PLEKHA8: variants seen among roughly 807,000 people sequenced by gnomAD.
PLEKHA8 encodes pleckstrin homology domain containing A8.
A neutral mutation model predicts 68.2 loss-of-function variants in PLEKHA8; 36 were observed. The observed-to-expected ratio is 0.53, with a 90% CI of 0.40 to 0.70. The LOEUF (loss-of-function observed/expected upper bound fraction) is 0.70. Ranked by LOEUF, PLEKHA8 falls within the 30% of genes least tolerant of loss-of-function variation. The pLI is 0.00. For missense variants in PLEKHA8, 505 were observed against 615.4 expected (o/e 0.82, Z 1.90); for synonymous variants, 211 against 216.1 (o/e 0.98, Z 0.20).
chr7:30,116,094 G>A (rs543119127), intron 13 of PLEKHA8: 4 of 148,246 alleles, frequency 2.7e-5, no homozygotes, highest in East Asian at 4.0e-4. Context: ...GCATACATAC[G>A]TATACATACG....
Position 30,083,457 on chromosome 7 carries a change from C to G in PLEKHA8, c.*4670C>G. On this transcript the variant is annotated 3_prime_UTR_variant, in exon 14 of 14. Coordinates refer to ENST00000449726, the MANE Select transcript of PLEKHA8 (RefSeq NM_001197026.2). ...ACCTTCCCTGTAAATGTTCCCAATT[C>G]CCATCCTGTCTCAGACAGTCAATAG... 1 of 985,286 alleles carries G rather than the reference C, an allele frequency of 1.0e-6. No homozygotes were observed. The highest frequency in any genetic ancestry group is 1.2e-6 in the Non-Finnish European group (1 of 829,840). The allele number at this position is 985,286 out of a possible 1,614,324, so 61.0% of individuals were successfully genotyped here. A position where few individuals can be genotyped will look rare whatever the true frequency, so the allele number is the denominator to read the frequency against.
chr7:30,127,065 A>C (rs1335730345), intron 13 of PLEKHA8, among the ~76,000 whole-genome samples: 1 of 152,228 alleles, frequency 6.6e-6, no homozygotes, highest in Non-Finnish European at 1.5e-5. Flanking sequence ...TTTATGTAAA[A>C]GCTCAATAAG....
intron 13 of PLEKHA8, among the ~76,000 whole-genome samples, chr7:30,106,954 C>T (rs1796083161): frequency 1.3e-5 from 2 of 152,278 alleles, no homozygotes; most frequent in Middle Eastern, 3.4e-3. Flanking sequence ...AACTAATCCC[C>T]CACAGATACC....
In PLEKHA8 at chr7:30,128,108, T is replaced by C. The variant is rs1186739710; in HGVS notation, c.1363-1158T>C. 3.3e-5 allele frequency among the ~76,000 whole-genome samples: 5 copies of C among 151,134 alleles called. No homozygotes were observed. The East Asian group carries it at 9.7e-4, about 29-fold the overall frequency. ...TTTACTGTATTTTTTTTTTTTTTTT[T>C]TTTACTTATTTATTTTGAGACAAGG... On this transcript the variant is annotated intron_variant, in intron 13 of 13. Transcript: ENST00000396257.
At chr7:30,054,653 T>G (rs1453244265) in intron 7 of PLEKHA8, 56 bp from the exon 8 acceptor site, 9 of 1,123,308 alleles carry the variant, frequency 8.0e-6, no homozygotes, top group African/African-American at 1.6e-5. Flanking sequence ...ACAATCAATA[T>G]GTATTTTTAT....
intron 1 of PLEKHA8, among the ~76,000 whole-genome samples, chr7:30,043,561 A>G (rs1007177796): frequency 2.0e-4 from 30 of 152,232 alleles, no homozygotes; most frequent in African/African-American, 6.5e-4. Flanking sequence ...ATTTAGTTTT[A>G]TTTAAAGAAG....
chr7:30,102,859 T>G (rs769516086), intron 13 of PLEKHA8, among the ~76,000 whole-genome samples: 5 of 152,214 alleles, frequency 3.3e-5, no homozygotes, highest in Non-Finnish European at 7.3e-5. Context: ...TCCAGACCAG[T>G]CAGGGCAAAC....
Position 30,028,419 on chromosome 7 carries a change from C to A in PLEKHA8, c.-344C>A, listed in dbSNP as rs993477455. Reference sequence around the variant, plus strand: ...CGAGTCGAGGGTTCAGGTGGTGCGCCGTGGCGCCGCCTGCGACCGGCAGCT... The same window carrying A: ...CGAGTCGAGGGTTCAGGTGGTGCGCAGTGGCGCCGCCTGCGACCGGCAGCT... On this transcript the variant is annotated 5_prime_UTR_variant, in exon 1 of 14. Coordinates refer to ENST00000449726, the MANE Select transcript of PLEKHA8 (RefSeq NM_001197026.2). 4.1e-6 allele frequency: 1 copy of A among 242,776 alleles called. No individual in the cohort carries two copies. Among genetic ancestry groups the A allele is most frequent in the Non-Finnish European group, 7.9e-6 (1 of 126,500 alleles). 15.0% of individuals were successfully genotyped at this position (242,776 alleles called of 1,614,324 possible).
intron 13 of PLEKHA8, among the ~76,000 whole-genome samples, chr7:30,126,748 AG>A (rs1796777434): frequency 6.6e-6 from 1 of 152,260 alleles, no homozygotes; most frequent in South Asian, 2.1e-4. Flanking sequence ...ACATGGCAGC[AG>A]GCTAGAGAGA....
At chr7:30,053,220 C>G (rs1792564205) in intron 7 of PLEKHA8, among the ~76,000 whole-genome samples, 1 of 152,138 alleles carries the variant, frequency 6.6e-6, no homozygotes, top group South Asian at 2.1e-4. Flanking sequence ...GTTTTTCATC[C>G]TCCCGGTTTC....
At chr7:30,078,362 T>A (rs1004043189) in intron 13 of PLEKHA8, among the ~76,000 whole-genome samples, 2 of 152,182 alleles carry the variant, frequency 1.3e-5, no homozygotes, top group Non-Finnish European at 1.5e-5. Flanking sequence ...ATCCTTAAGG[T>A]GGCCCAAGTA....
chr7:30,112,897 C>A (rs1433735989), intron 13 of PLEKHA8, among the ~76,000 whole-genome samples: 1 of 146,728 alleles, frequency 6.8e-6, no homozygotes, highest in Non-Finnish European at 1.5e-5. Flanking sequence ...GAAACTCTGT[C>A]TCTTTAAAAA....
At chr7:30,029,855 G>T (rs1490103306) in intron 1 of PLEKHA8, among the ~76,000 whole-genome samples, 1 of 152,168 alleles carries the variant, frequency 6.6e-6, no homozygotes, top group Non-Finnish European at 1.5e-5. Flanking sequence ...TAGTAACTTC[G>T]AGGAGGTCAC....
At chr7:30,078,452 G>A (rs1794747494) in intron 13 of PLEKHA8, 138 bp from the exon 14 acceptor site, 1 of 859,346 alleles carries the variant, frequency 1.2e-6, no homozygotes, top group Non-Finnish European at 1.8e-6. Flanking sequence ...AATTAGAAGG[G>A]TAGTCATATT....
intron 1 of PLEKHA8, among the ~76,000 whole-genome samples, chr7:30,037,780 C>G (rs1346644507): frequency 6.7e-6 from 1 of 150,226 alleles, no homozygotes; most frequent in Admixed American, 6.6e-5. Flanking sequence ...AACAGTAGTT[C>G]TTATGGATTT....
In PLEKHA8 at chr7:30,101,543, C is replaced by A. The variant is rs563968205; in HGVS notation, c.1362+27411C>A. Among the ~76,000 whole-genome samples, 52 of 152,236 alleles carry A rather than the reference C, an allele frequency of 3.4e-4. No individual in the cohort carries two copies. The South Asian group carries it at 1.0e-2, about 29-fold the overall frequency. ...TCAGGGGCCTCTTTTATAAGCACAG[C>A]AGTCCCATTCATGAGAGTCCTGCCT... On this transcript the variant is annotated intron_variant, in intron 13 of 13. Transcript: ENST00000396257.
intron 9 of PLEKHA8, among the ~76,000 whole-genome samples, chr7:30,058,072 T>A (rs891444478): frequency 2.6e-5 from 4 of 152,200 alleles, no homozygotes; most frequent in Admixed American, 6.5e-5. Context: ...CACTTTTTTT[T>A]TATAATTATT....
In PLEKHA8 at chr7:30,078,605, G is replaced by A. The variant is rs756934969; in HGVS notation, c.1378G>A (p.Ala460Thr). 2 of 1,613,762 alleles carry A rather than the reference G, an allele frequency of 1.2e-6. No homozygotes were observed. Among genetic ancestry groups the A allele is most frequent in the Non-Finnish European group, 1.7e-6 (2 of 1,179,802 alleles). ...RGVFALALRA[A>T]PSYEDFVAAL... ...TCTTTTGCAGTTAGCTTTAAGGGCA[G>A]CTCCATCCTATGAAGATTTTGTGGC... Residue 460 changes from alanine (A) to threonine (T), a missense_variant, in exon 14 of 14, where the codon GCT (alanine) becomes ACT (threonine). By Grantham distance (58) the Ala-to-Thr change is moderately conservative. Coordinates refer to ENST00000449726, the MANE Select transcript of PLEKHA8 (RefSeq NM_001197026.2).
chr7:30,117,806 A>C (rs1294759803), intron 13 of PLEKHA8, among the ~76,000 whole-genome samples: 1 of 152,256 alleles, frequency 6.6e-6, no homozygotes, highest in African/African-American at 2.4e-5. Context: ...TAGTGTGCAC[A>C]CTAAAAAAAT....
Sources: allele counts gnomAD v4.1 joint callset (sites outside exome capture counted in the v4.1 genomes callset), GRCh38; gene constraint gnomAD v4.1.1; transcripts MANE v1.5; gene names NCBI Gene and HGNC (gene_info 2026-07-23, HGNC 2026-07-21).